Variants in ADAMTSL1 observed in about 807,000 individuals in gnomAD.
ADAMTSL1 encodes the protein ADAMTS like 1, also known as ADAMTS-like protein 1.
In ADAMTSL1, 126 loss-of-function variants were observed where a neutral mutation model predicts 201.8. The observed-to-expected ratio is 0.62, with a 90% CI of 0.54 to 0.72. The LOEUF (loss-of-function observed/expected upper bound fraction) is 0.72, where lower values mean the gene tolerates loss of function less well. Ranked by LOEUF, ADAMTSL1 falls within the 30% of genes least tolerant of loss-of-function variation. ADAMTSL1 has a pLI of 0.00. For synonymous variants in ADAMTSL1, 1,121 were observed against 903.4 expected (o/e 1.24, Z -4.32); for missense variants, 2,679 against 2,277.8 (o/e 1.18, Z -3.59).
At chr9:18,869,448 T>C (rs1008149623) in intron 23 of ADAMTSL1, among the ~76,000 whole-genome samples, 3 of 152,264 alleles carry the variant, frequency 2.0e-5, no homozygotes, top group Non-Finnish European at 2.9e-5. Context: ...TTCTGTTGTC[T>C]AATACCTGAA....
At chr9:18,121,993 A>C (rs1009330456) in intron 1 of ADAMTSL1, among the ~76,000 whole-genome samples, 17 of 152,166 alleles carry the variant, frequency 1.1e-4, no homozygotes, top group African/African-American at 4.1e-4. Flanking sequence ...AAGGCCATAT[A>C]TCAGATTATT....
At chr9:18,888,910 G>A (rs973090829) in intron 24 of ADAMTSL1, among the ~76,000 whole-genome samples, 9 of 152,174 alleles carry the variant, frequency 5.9e-5, no homozygotes, top group African/African-American at 2.2e-4. Context: ...AAATTTTCTT[G>A]GAGCCAGCTA....
chr9:18,811,022 A>AG (rs1823469201), intron 20 of ADAMTSL1, among the ~76,000 whole-genome samples: 1 of 149,524 alleles, frequency 6.7e-6, no homozygotes, highest in Admixed American at 6.6e-5. Context: ...CAAAAAAAAA[A>AG]AAAAAAAAAA....
intron 25 of ADAMTSL1, chr9:18,890,421 A>AGAT (rs1829172200): frequency 2.3e-6 from 1 of 436,626 alleles, no homozygotes; most frequent in Non-Finnish European, 4.6e-6. Flanking sequence ...AATGGATAAT[A>AGAT]GATGGGCTTG....
chr9:18,132,870 G>A (rs1826007846), intron 1 of ADAMTSL1, among the ~76,000 whole-genome samples: 1 of 152,106 alleles, frequency 6.6e-6, no homozygotes, highest in Admixed American at 6.6e-5. Flanking sequence ...ATTATAACAT[G>A]TTTATTTTCC....
chr9:18,700,904 G>A (rs996746907), intron 13 of ADAMTSL1, among the ~76,000 whole-genome samples: 5 of 152,154 alleles, frequency 3.3e-5, no homozygotes, highest in African/African-American at 1.2e-4. Flanking sequence ...ATTAACCAAT[G>A]AGGGAACCAA....
intron 1 of ADAMTSL1, among the ~76,000 whole-genome samples, chr9:17,955,120 A>G (rs1827882239): frequency 6.6e-6 from 1 of 152,164 alleles, no homozygotes; most frequent in Admixed American, 6.5e-5. Context: ...GTGCATAGAA[A>G]TCTATTGAAA....
intron 1 of ADAMTSL1, among the ~76,000 whole-genome samples, chr9:18,149,152 G>A (rs968714771): frequency 4.6e-5 from 7 of 151,988 alleles, no homozygotes; most frequent in African/African-American, 1.7e-4. Context: ...GCTAGAAACT[G>A]GGAGATGAAC....
At position 18,039,829 on chromosome 9, in the gene ADAMTSL1, G is replaced by T. The variant is rs546754958; in HGVS notation, c.88-124033G>T. Among the ~76,000 whole-genome samples, 11 of 152,220 alleles carry T rather than the reference G, an allele frequency of 7.2e-5. No homozygotes were observed. In the East Asian group the frequency reaches 1.9e-3, roughly 27 times the overall value. ...TATTATTTAGTCAAGGTAAGGTTTGGGTTTTGGGAGGAAGGTTAATTCTGA... is the reference window on the plus strand; with the variant it reads ...TATTATTTAGTCAAGGTAAGGTTTGTGTTTTGGGAGGAAGGTTAATTCTGA... On this transcript the variant is annotated intron_variant, in intron 1 of 29. Coordinates refer to the ADAMTSL1 transcript ENST00000680146.
At chr9:17,945,534 T>C (rs538674412) in intron 1 of ADAMTSL1, among the ~76,000 whole-genome samples, 188 of 152,034 alleles carry the variant, frequency 1.2e-3, no homozygotes, top group African/African-American at 4.0e-3. Context: ...TATTGCGGCA[T>C]TATTCACAAC....
At chr9:17,984,830 G>A (rs892154217) in intron 1 of ADAMTSL1, among the ~76,000 whole-genome samples, 1 of 152,098 alleles carries the variant, frequency 6.6e-6, no homozygotes, top group Non-Finnish European at 1.5e-5. Context: ...CTTTTCCTCA[G>A]TGGTAAGAGT....
chr9:18,841,450 T>C (rs892475699), intron 23 of ADAMTSL1, among the ~76,000 whole-genome samples: 1 of 152,220 alleles, frequency 6.6e-6, no homozygotes, highest in African/African-American at 2.4e-5. Context: ...AGTATTTTAT[T>C]GAGGATTTTT....
At chr9:18,043,309 T>C (rs1480814223) in intron 1 of ADAMTSL1, among the ~76,000 whole-genome samples, 8 of 152,106 alleles carry the variant, frequency 5.3e-5, no homozygotes. Context: ...GCTGCTGCAC[T>C]TTGGTTAGTT....
intron 1 of ADAMTSL1, among the ~76,000 whole-genome samples, chr9:18,121,452 G>T (rs1219454699): frequency 6.6e-6 from 1 of 152,182 alleles, no homozygotes; most frequent in Admixed American, 6.6e-5. Context: ...AAGCCTTGAA[G>T]TAAAGGCATT....
At chr9:18,782,606 A>C (rs1588101820) in intron 19 of ADAMTSL1, among the ~76,000 whole-genome samples, 1 of 152,242 alleles carries the variant, frequency 6.6e-6, no homozygotes, top group Non-Finnish European at 1.5e-5. Context: ...TGAATGGAGC[A>C]AGGCAACAAA....
chr9:18,547,489 C>A (rs781412605), intron 3 of ADAMTSL1, among the ~76,000 whole-genome samples: 4 of 151,708 alleles, frequency 2.6e-5, no homozygotes, highest in Non-Finnish European at 4.4e-5. Flanking sequence ...TGAAATAAAG[C>A]AAAGATTGGC....
At position 17,976,352 on chromosome 9, in the gene ADAMTSL1, G is replaced by T. The variant is rs530658906; in HGVS notation, c.87+69430G>T. Among the ~76,000 whole-genome samples the T allele has an allele frequency of 4.5e-4, 69 of 151,856 alleles. 1 individual carries two copies. Among genetic ancestry groups the T allele is most frequent in the Admixed American group, 1.4e-3 (22 of 15,228 alleles). On this transcript the variant is annotated intron_variant, in intron 1 of 29. Transcript: ENST00000680146. ...TTAACAGTATTAAGTCTTCCAATTC[G>T]TGAACATGGGATATCTTTCCATTTA...
intron 2 of ADAMTSL1, among the ~76,000 whole-genome samples, chr9:18,436,074 G>A (rs538943965): frequency 1.1e-4 from 16 of 152,294 alleles, no homozygotes; most frequent in Non-Finnish European, 1.6e-4. Context: ...CAGGGAAACA[G>A]CAAGAACCAG....
intron 2 of ADAMTSL1, among the ~76,000 whole-genome samples, chr9:18,364,420 G>T (rs1836674331): frequency 6.6e-6 from 1 of 152,054 alleles, no homozygotes; most frequent in Non-Finnish European, 1.5e-5. Context: ...ATGCCTCAGG[G>T]GTAGAAGCAA....
Sources: gnomAD v4.1 joint callset for allele counts (sites outside exome capture counted in the v4.1 genomes callset) on GRCh38, gnomAD v4.1.1 for gene constraint, MANE v1.5 for transcripts, NCBI Gene and HGNC (gene_info 2026-07-23, HGNC 2026-07-21) for gene names.